The following CFAP20DC variants were observed in gnomAD, a reference collection of about 807,000 sequenced individuals.
CFAP20DC encodes the protein CFAP20 domain containing.
A neutral mutation model predicts 101.7 loss-of-function variants in CFAP20DC; 84 were observed. The observed-to-expected ratio is 0.83, with a 90% CI of 0.69 to 0.99. The LOEUF is 0.99. CFAP20DC is among the 50% of genes least tolerant of loss of function. The pLI is 0.00. For synonymous variants in CFAP20DC, 359 were observed against 351.2 expected (o/e 1.02, Z -0.25); for missense variants, 1,007 against 970.3 (o/e 1.04, Z -0.50).
At chr3:58,839,122 T>C (rs1465320617) in intron 13 of CFAP20DC, among the ~76,000 whole-genome samples, 13 of 152,286 alleles carry the variant, frequency 8.5e-5, no homozygotes, top group African/African-American at 2.9e-4. Context: ...TTGAATAGAG[T>C]AATGACAGAT....
At chr3:58,716,700 C>T (rs1044904832), downstream of CFAP20DC, among the ~76,000 whole-genome samples, 1 of 152,186 alleles carries the variant, frequency 6.6e-6, no homozygotes, top group East Asian at 1.9e-4. Context: ...CTATCTGCCA[C>T]TGACATTTCA....
chr3:58,743,191 C>A (rs892078571), intron 16 of CFAP20DC, among the ~76,000 whole-genome samples: 1 of 150,786 alleles, frequency 6.6e-6, no homozygotes, highest in African/African-American at 2.4e-5. Context: ...TCGTGACAGC[C>A]ATTTAGATGG....
intron 4 of CFAP20DC, among the ~76,000 whole-genome samples, chr3:58,939,636 T>C (rs2088225294): frequency 6.6e-6 from 1 of 151,778 alleles, no homozygotes; most frequent in Non-Finnish European, 1.5e-5. Flanking sequence ...TTTTTCGTAT[T>C]TTTAGTAGAG....
At chr3:58,731,999 G>C (rs2067654777) in intron 3 of CFAP20DC, among the ~76,000 whole-genome samples, 1 of 152,204 alleles carries the variant, frequency 6.6e-6, no homozygotes, top group Admixed American at 6.5e-5. Flanking sequence ...TTGTAAAGTA[G>C]ATGAACACAG....
chr3:58,911,345 C>T (rs2084128759), intron 6 of CFAP20DC, among the ~76,000 whole-genome samples: 1 of 152,124 alleles, frequency 6.6e-6, no homozygotes, highest in Non-Finnish European at 1.5e-5. Flanking sequence ...TACAAGAATG[C>T]ATACATGAAA....
At chr3:59,028,428 GA>G (rs917461229) in intron 4 of CFAP20DC, among the ~76,000 whole-genome samples, 2 of 152,112 alleles carry the variant, frequency 1.3e-5, no homozygotes, top group Non-Finnish European at 2.9e-5. Flanking sequence ...TTTCCTTCCT[GA>G]AACTCTACAG....
chr3:58,725,021 A>G (rs2067529163), intron 3 of CFAP20DC, among the ~76,000 whole-genome samples: 1 of 152,234 alleles, frequency 6.6e-6, no homozygotes. Context: ...GGTTATGTTG[A>G]TATTAATGAC....
chr3:58,873,705 G>T (rs2080478640), intron 7 of CFAP20DC, among the ~76,000 whole-genome samples: 1 of 152,012 alleles, frequency 6.6e-6, no homozygotes, highest in African/African-American at 2.4e-5. Context: ...TGCTCAAGTA[G>T]AAGTCTGGAT....
chr3:58,873,987 G>T (rs1260411252), intron 7 of CFAP20DC, among the ~76,000 whole-genome samples: 1 of 152,254 alleles, frequency 6.6e-6, no homozygotes, highest in African/African-American at 2.4e-5. Flanking sequence ...TGTTGAAGCA[G>T]AAGTCTGGAT....
At position 58,908,906 on chromosome 3, in the gene CFAP20DC, C is replaced by T. The variant is rs1055096090; in HGVS notation, c.550+4802G>A. Among the ~76,000 whole-genome samples, 7 of 151,978 alleles carry T rather than the reference C, an allele frequency of 4.6e-5. No homozygotes were observed. The South Asian group carries it at 6.2e-4, about 13-fold the overall frequency. ...AGTGAAAGAAGCCAATCTGAAAAGG[C>T]TACATACTATATACTTTTAACTATG... On this transcript the variant is annotated intron_variant, in intron 6 of 16. Coordinates refer to ENST00000482387, the MANE Select transcript of CFAP20DC (RefSeq NM_001394063.1).
At chr3:58,815,216 T>TATCTA (rs2075016498) in intron 14 of CFAP20DC, among the ~76,000 whole-genome samples, 1 of 151,628 alleles carries the variant, frequency 6.6e-6, no homozygotes. Flanking sequence ...TATCTACAAC[T>TATCTA]ATCTAATCTT....
At chr3:58,837,889 GCAGA>G (rs369906385) in intron 13 of CFAP20DC, among the ~76,000 whole-genome samples, 40 of 152,234 alleles carry the variant, frequency 2.6e-4, no homozygotes, top group African/African-American at 9.1e-4. Context: ...ATTGCTATTT[GCAGA>G]CAGTGTTTAA....
intron 4 of CFAP20DC, among the ~76,000 whole-genome samples, chr3:58,998,825 A>G (rs1461578305): frequency 6.6e-6 from 1 of 152,230 alleles, no homozygotes; most frequent in Non-Finnish European, 1.5e-5. Flanking sequence ...CCCACATGTC[A>G]TGAGCAAGAA....
chr3:59,000,242 C>G (rs972856861), intron 4 of CFAP20DC, among the ~76,000 whole-genome samples: 1 of 152,182 alleles, frequency 6.6e-6, no homozygotes, highest in African/African-American at 2.4e-5. Context: ...TAGCGAGGCT[C>G]TCTCTGTTAT....
At chr3:58,829,954 G>C (rs1336471891) in intron 14 of CFAP20DC, among the ~76,000 whole-genome samples, 1 of 152,122 alleles carries the variant, frequency 6.6e-6, no homozygotes, top group South Asian at 2.1e-4. Context: ...TATTTTATAA[G>C]AAAGGCAATG....
intron 4 of CFAP20DC, among the ~76,000 whole-genome samples, chr3:59,033,726 G>A (rs1026958342): frequency 6.6e-6 from 1 of 152,176 alleles, no homozygotes; most frequent in African/African-American, 2.4e-5. Flanking sequence ...ATGTTTGATT[G>A]GTGTACCTGA....
At chr3:58,726,975 C>A in intron 3 of CFAP20DC, 1 of 253,082 alleles carries the variant, frequency 4.0e-6, no homozygotes, top group Non-Finnish European at 7.8e-6. Flanking sequence ...CCCATCCCTT[C>A]CACTCACACC....
At chr3:58,828,119 G>A (rs1471793697) in intron 14 of CFAP20DC, among the ~76,000 whole-genome samples, 1 of 152,150 alleles carries the variant, frequency 6.6e-6, no homozygotes, top group African/African-American at 2.4e-5. Flanking sequence ...GAGAGGGCAA[G>A]TCTCAGATCA....
chr3:58,851,911 GA>G (rs1397833199), intron 12 of CFAP20DC, among the ~76,000 whole-genome samples: 1 of 152,196 alleles, frequency 6.6e-6, no homozygotes, highest in Non-Finnish European at 1.5e-5. Flanking sequence ...TCGTGGTGGA[GA>G]AAGACTGTGG....
Sources: allele counts gnomAD v4.1 joint callset (sites outside exome capture counted in the v4.1 genomes callset), GRCh38; gene constraint gnomAD v4.1.1; transcripts MANE v1.5; gene names NCBI Gene and HGNC (gene_info 2026-07-23, HGNC 2026-07-21).